Variants in DIAPH2 observed in about 807,000 individuals in gnomAD.
The protein encoded by DIAPH2 is protein diaphanous homolog 2.
Under a neutral mutation model 92.7 loss-of-function variants are expected in DIAPH2, and 35 were observed. The ratio of observed to expected loss-of-function variants is 0.38; its 90% confidence interval spans 0.29 to 0.50. The LOEUF (loss-of-function observed/expected upper bound fraction) is 0.50, where lower values mean the gene tolerates loss of function less well. Ranked by LOEUF, DIAPH2 falls within the 20% of genes least tolerant of loss-of-function variation. The probability of loss-of-function intolerance (pLI) is 0.94; values close to 1 mark genes in which losing one functional copy is unlikely to be tolerated. For missense variants in DIAPH2, 701 were observed against 819.5 expected, an observed-to-expected ratio of 0.86 and a Z score of 1.77; for synonymous variants, 301 against 280.4, an observed-to-expected ratio of 1.07 and a Z score of -0.73.
chrX:97,122,788 C>G (rs1022140619), intron 21 of DIAPH2, among the ~76,000 whole-genome samples: 3 of 111,042 alleles, frequency 2.7e-5, no homozygotes, highest in African/African-American at 9.8e-5. Flanking sequence ...TTTTATTTTT[C>G]TCCTTGGGGG....
At chrX:97,027,281 T>C (rs2066341997) in intron 17 of DIAPH2, among the ~76,000 whole-genome samples, 1 of 112,275 alleles carries the variant, frequency 8.9e-6, no homozygotes, top group Non-Finnish European at 1.9e-5. Context: ...TCTAATTCTT[T>C]TGCAAAGTAA....
intron 26 of DIAPH2, among the ~76,000 whole-genome samples, chrX:97,529,436 T>C: frequency 8.9e-6 from 1 of 112,323 alleles, no homozygotes; most frequent in Non-Finnish European, 1.9e-5. Flanking sequence ...TCAACAATTT[T>C]TTACTGTGCT....
chrX:97,147,875 G>A (rs1372740117), intron 22 of DIAPH2, among the ~76,000 whole-genome samples: 5 of 111,462 alleles, frequency 4.5e-5, no homozygotes, highest in South Asian at 3.8e-4. Flanking sequence ...ACTTTTTCAC[G>A]GGATTAATAA....
At chrX:96,829,554 C>T (rs972144046) in intron 4 of DIAPH2, among the ~76,000 whole-genome samples, 6 of 110,208 alleles carry the variant, frequency 5.4e-5, no homozygotes, top group Non-Finnish European at 9.5e-5. Flanking sequence ...ATTACAATGG[C>T]ACTATCTTGG....
chrX:96,768,794 G>A (rs868327793), intron 4 of DIAPH2, among the ~76,000 whole-genome samples: 11 of 111,419 alleles, frequency 9.9e-5, no homozygotes, highest in African/African-American at 3.6e-4. Flanking sequence ...AAGTATGGGG[G>A]TGTTTAATCC....
At chrX:96,926,260 G>A (rs1255675458) in intron 9 of DIAPH2, among the ~76,000 whole-genome samples, 2 of 109,494 alleles carry the variant, frequency 1.8e-5, no homozygotes, top group Non-Finnish European at 3.8e-5. Flanking sequence ...GAAGATATTT[G>A]TGTTCAAATA....
chrX:97,003,045 G>A (rs1264378699), intron 17 of DIAPH2, among the ~76,000 whole-genome samples: 4 of 111,027 alleles, frequency 3.6e-5, no homozygotes, highest in Non-Finnish European at 7.6e-5. Context: ...AATATGTGAA[G>A]TTTCTCTTTC....
intron 22 of DIAPH2, among the ~76,000 whole-genome samples, chrX:97,236,549 T>C (rs1316104582): frequency 9.8e-6 from 1 of 101,642 alleles, no homozygotes; most frequent in African/African-American, 3.6e-5. Context: ...ATTTTCATTT[T>C]TTTTTTTTTT....
intron 26 of DIAPH2, among the ~76,000 whole-genome samples, chrX:97,567,931 A>T (rs1007522731): frequency 9.2e-6 from 1 of 108,775 alleles, no homozygotes; most frequent in Non-Finnish European, 1.9e-5. Flanking sequence ...CGTGACCAAC[A>T]TGGTGAAACC....
chrX:97,471,217 T>C (rs1275050404), intron 26 of DIAPH2, among the ~76,000 whole-genome samples: 1 of 111,134 alleles, frequency 9.0e-6, no homozygotes, highest in African/African-American at 3.3e-5. Context: ...AGGTGCCTTC[T>C]ATAGCAGAGT....
At chrX:97,382,985 A>G (rs2069565245) in intron 24 of DIAPH2, among the ~76,000 whole-genome samples, 1 of 112,000 alleles carries the variant, frequency 8.9e-6, no homozygotes, top group Non-Finnish European at 1.9e-5. Context: ...GAAAAAAGAA[A>G]CAGAGCAGCT....
Position 97,159,744 on chromosome X carries a change from C to G in DIAPH2, c.2719+17950C>G, listed in dbSNP as rs190919125. Among the ~76,000 whole-genome samples the G allele has an allele frequency of 5.4e-3, 604 of 111,519 alleles. 6 individuals carry two copies. Among genetic ancestry groups the G allele is most frequent in the African/African-American group, 0.019 (571 of 30,687 alleles). On this transcript the variant is annotated intron_variant, in intron 22 of 26. Coordinates refer to ENST00000324765, the MANE Select transcript of DIAPH2 (RefSeq NM_006729.5). ...CTGGTTATAAAATTAATTATTTTTC[C>G]TAGTTATGAAAATTAAAATATTTTA...
chrX:97,074,797 C>T (rs1160245267), intron 18 of DIAPH2, among the ~76,000 whole-genome samples: 1 of 111,842 alleles, frequency 8.9e-6, no homozygotes, highest in Non-Finnish European at 1.9e-5. Context: ...CTGACAATCT[C>T]CACACTAAGT....
intron 17 of DIAPH2, among the ~76,000 whole-genome samples, chrX:97,024,358 CA>C (rs1013299514): frequency 1.8e-5 from 2 of 111,850 alleles, no homozygotes; most frequent in Admixed American, 9.4e-5. Context: ...GTAATACCTT[CA>C]AATGAACATC....
chrX:96,751,581 A>AAATAAT (rs545942235), intron 3 of DIAPH2, among the ~76,000 whole-genome samples: 8 of 98,957 alleles, frequency 8.1e-5, no homozygotes, highest in Non-Finnish European at 1.4e-4. Context: ...GTCTCAAAAA[A>AAATAAT]AATAATAATA....
chrX:97,578,440 G>A (rs1374916520), intron 26 of DIAPH2, among the ~76,000 whole-genome samples: 11 of 105,173 alleles, frequency 1.0e-4, no homozygotes, highest in African/African-American at 2.4e-4. Context: ...TTGCTCTTGC[G>A]ATAGTTTACT....
In DIAPH2 at chrX:97,311,988, C is replaced by T. The variant is rs778337745; in HGVS notation, c.2845-36128C>T. Among the ~76,000 whole-genome samples, 10 of 110,137 alleles carry T rather than the reference C, an allele frequency of 9.1e-5. No individual in the cohort carries two copies. The East Asian group carries it at 2.0e-3, about 22-fold the overall frequency. On this transcript the variant is annotated intron_variant, in intron 23 of 26. Transcript: ENST00000324765. ...GACTACAGGCGCCCGCCACCAAGCCCGGCTAGTTTTTTGTGTTTTTTAGTA... is the reference window on the plus strand; with the variant it reads ...GACTACAGGCGCCCGCCACCAAGCCTGGCTAGTTTTTTGTGTTTTTTAGTA...
chrX:97,140,786 T>C (rs1315287348), intron 21 of DIAPH2, among the ~76,000 whole-genome samples: 1 of 111,905 alleles, frequency 8.9e-6, no homozygotes, highest in African/African-American at 3.2e-5. Context: ...TGAAAAATAC[T>C]CATTTATTCT....
chrX:97,326,305 A>C (rs2068950865), intron 23 of DIAPH2, among the ~76,000 whole-genome samples: 1 of 112,154 alleles, frequency 8.9e-6, no homozygotes, highest in African/African-American at 3.2e-5. Context: ...ATAAACACTG[A>C]TTAGATTTAA....
Sources: allele counts gnomAD v4.1 joint callset (sites outside exome capture counted in the v4.1 genomes callset), GRCh38; gene constraint gnomAD v4.1.1; transcripts MANE v1.5; gene names NCBI Gene and HGNC (gene_info 2026-07-23, HGNC 2026-07-21).